Variants in FBF1 observed in about 807,000 individuals in gnomAD.
The protein encoded by FBF1 is fas-binding factor 1.
In FBF1, 119 loss-of-function variants were observed where a neutral mutation model predicts 147.2. That is an observed-to-expected ratio of 0.81 (90% CI 0.70 to 0.94). The LOEUF (loss-of-function observed/expected upper bound fraction) is 0.94. Ranked by LOEUF, FBF1 falls within the 40% of genes least tolerant of loss-of-function variation. The pLI is 0.00. For synonymous variants in FBF1, 601 were observed against 609.0 expected (o/e 0.99, Z 0.19); for missense variants, 1,449 against 1,500.8 (o/e 0.97, Z 0.57).
In FBF1 at chr17:75,928,061, T is replaced by C; in HGVS notation, c.397+15A>G. 1 of 1,607,542 alleles carries C rather than the reference T, an allele frequency of 6.2e-7. No individual in the cohort carries two copies. The highest frequency in any genetic ancestry group is 8.5e-7 in the Non-Finnish European group (1 of 1,175,470). On this transcript the variant is annotated intron_variant, in intron 8 of 29. Transcript: ENST00000636174. This position sits in a 1 kb window ranked among gnomAD's most constrained non-coding sequence, Gnocchi z 4.2. The stretch of plus-strand genomic sequence containing the variant: ...GCCGTCTCCCATGCACCTTTCTCAC[T>C]GGCTACTGACCCACCTGCAGGCTTG...
chr17:75,912,142 G>A (rs1353200357), intron 29 of FBF1, 50 bp downstream of exon 29: 2 of 1,533,768 alleles, frequency 1.3e-6, no homozygotes, highest in Non-Finnish European at 1.8e-6. Flanking sequence ...TCTGCCCTGA[G>A]CTGGAAGGAC....
In FBF1 at chr17:75,909,836, C is replaced by A. The variant is rs769054481; in HGVS notation, c.*887G>T. The A allele has an allele frequency of 3.1e-5, 21 of 686,006 alleles. No homozygotes were observed. The highest frequency in any genetic ancestry group is 5.3e-5 in the Non-Finnish European group (20 of 374,050). The allele number at this position is 686,006 out of a possible 1,614,324, so 42.5% of individuals were successfully genotyped here. A position where few individuals can be genotyped will look rare whatever the true frequency, so the allele number is the denominator to read the frequency against. On this transcript the variant is annotated 3_prime_UTR_variant, in exon 30 of 30. Coordinates refer to ENST00000636174, the MANE Select transcript of FBF1 (RefSeq NM_001319193.2). ...ACATTTTCTAAGAAATAAGTATAAA[C>A]TCCGATGAGCCATGGCAAAAGCAGT...
chr17:75,921,053 C>T (rs539961798), intron 17 of FBF1, among the ~76,000 whole-genome samples, 191 bp downstream of exon 17: 6 of 152,344 alleles, frequency 3.9e-5, no homozygotes, highest in Admixed American at 2.6e-4. Flanking sequence ...CCCAGCTCTG[C>T]CCAGGAGCAG....
At chr17:75,917,254 G>C (rs552518003) in intron 23 of FBF1, among the ~76,000 whole-genome samples, 1 of 152,350 alleles carries the variant, frequency 6.6e-6, no homozygotes, top group South Asian at 2.1e-4. Context: ...ACAGGCCACT[G>C]TGCCTGGCTA....
chr17:75,915,482 G>A (rs1217550290), intron 23 of FBF1, among the ~76,000 whole-genome samples: 1 of 152,226 alleles, frequency 6.6e-6, no homozygotes, highest in Non-Finnish European at 1.5e-5. Context: ...AGCAGGCTAA[G>A]CACAGGGTGG....
rs1323565505 is a variant in FBF1, at chr17:75,910,937, G to A, written c.3364-131C>T. 7.0e-6 allele frequency: 5 copies of A among 719,350 alleles called. No individual in the cohort carries two copies. The East Asian group carries it at 1.3e-4, about 19-fold the overall frequency. 44.6% of individuals were successfully genotyped at this position (719,350 alleles called of 1,614,324 possible). On this transcript the variant is annotated intron_variant, in intron 29 of 29. Transcript: ENST00000636174. The surrounding 1 kb of genome is among the most constrained non-coding windows in gnomAD (Gnocchi z 4.1). ...TCCCTGACTCTGCCTGGCTCTGGGA[G>A]TCAGCAGGGGCCATGAAAGAGCCCA...
rs779282669 is a variant in FBF1 at position 75,920,389 on chromosome 17, C to T, written c.1715G>A (p.Ser572Asn). 3 of 1,606,540 alleles carry T rather than the reference C, an allele frequency of 1.9e-6. No homozygotes were observed. The highest frequency in any genetic ancestry group is 2.2e-5 in the South Asian group (2 of 89,498). The change falls in exon 18 of 30, where the codon AGC becomes AAC. Residue 572 changes from serine to asparagine, a missense_variant. Coordinates refer to ENST00000636174, the MANE Select transcript of FBF1 (RefSeq NM_001319193.2). ...CAGGAGCTGCTTCTGGTATTCTGTGCTCGGCAGCAGGCTCCGGGCCAGGGA... is the reference window on the plus strand; with the variant it reads ...CAGGAGCTGCTTCTGGTATTCTGTGTTCGGCAGCAGGCTCCGGGCCAGGGA... ...PESLARSLLPSTEYQKQLLAA... is the reference protein window; with the variant it reads ...PESLARSLLPNTEYQKQLLAA...
chr17:75,911,613 G>A (rs1405481921), intron 29 of FBF1, among the ~76,000 whole-genome samples: 1 of 152,130 alleles, frequency 6.6e-6, no homozygotes, highest in Admixed American at 6.5e-5. Context: ...CGACCTCCCG[G>A]GCTTAAGTGA....
intron 2 of FBF1, chr17:75,937,893 A>G (rs2065634565): frequency 6.4e-6 from 4 of 629,106 alleles, no homozygotes; most frequent in South Asian, 3.8e-5. Context: ...AATGTCTTCT[A>G]TTCCGTGCCC....
rs148116376 is a variant in FBF1, at chr17:75,912,793, C to T, written c.3248-486G>A. ...CGTTGGCTCATGCCTGTAATCCCAG[C>T]ACTTTGGGAGGCCAAGGCGGGTGGA... is the stretch of plus-strand genomic sequence containing the variant. On this transcript the variant is annotated intron_variant, in intron 28 of 29. Transcript: ENST00000636174. Among the ~76,000 whole-genome samples, 865 of 152,332 alleles carry T rather than the reference C, an allele frequency of 5.7e-3. 11 individuals are homozygous for T. The highest frequency in any genetic ancestry group is 0.019 in the African/African-American group (809 of 41,578).
chr17:75,913,914 T>C lies in FBF1; in HGVS notation c.3128A>G (p.Gln1043Arg), dbSNP rs1281735051. ...RLRKQEQHMH[Q>R]EHLSLAQQRL... Reference sequence around the variant, plus strand: ...CGCCATACACTCAGGGAGCCTTGCCTGGTGCATGTGCTGCTCCTGCTTCCG... The same window carrying C: ...CGCCATACACTCAGGGAGCCTTGCCCGGTGCATGTGCTGCTCCTGCTTCCG... The change falls in exon 27 of 30, where the codon CAG becomes CGG. Residue 1043 changes from glutamine (Q) to arginine (R), a missense_variant and splice_region_variant. Transcript: ENST00000636174. 1 of 1,546,552 alleles carries C rather than the reference T, an allele frequency of 6.5e-7. No individual in the cohort carries two copies. The highest frequency in any genetic ancestry group is 8.7e-7 in the Non-Finnish European group (1 of 1,150,820).
In FBF1 at chr17:75,928,867, C is replaced by T. The variant is rs1311086909; in HGVS notation, c.280-674G>A. 6.6e-6 allele frequency among the ~76,000 whole-genome samples: 1 copy of T among 152,070 alleles called. No homozygotes were observed. Among genetic ancestry groups the T allele is most frequent in the Non-Finnish European group, 1.5e-5 (1 of 68,006 alleles). ...TAAAGACAGAGTCTCACTCTGTCAC[C>T]CAGGCTGGAGTGAAGTGGTGCGATC... On this transcript the variant is annotated intron_variant, in intron 7 of 29. Transcript: ENST00000636174. The surrounding 1 kb of genome is among the most constrained non-coding windows in gnomAD (Gnocchi z 4.2).
At chr17:75,916,574 AC>A (rs1340367332) in intron 23 of FBF1, among the ~76,000 whole-genome samples, 1 of 151,462 alleles carries the variant, frequency 6.6e-6, no homozygotes, top group Non-Finnish European at 1.5e-5. Flanking sequence ...AGCTATGATC[AC>A]ACCACTGCAC....
chr17:75,922,112 G>A lies in FBF1; in HGVS notation c.1425-66C>T, dbSNP rs761182510. ...CCAGGTCAGGCTGGATGAAGACAGG[G>A]CCCAGGACGGGCTTCACACGTGAAG... On this transcript the variant is annotated intron_variant, in intron 14 of 29. Transcript: ENST00000636174. The surrounding 1 kb of genome is among the most constrained non-coding windows in gnomAD (Gnocchi z 5.0). The A allele has an allele frequency of 7.2e-7, 1 of 1,391,300 alleles. No individual in the cohort carries two copies. Among genetic ancestry groups the A allele is most frequent in the South Asian group, 1.3e-5 (1 of 79,688 alleles). 86.2% of individuals were successfully genotyped at this position (1,391,300 alleles called of 1,614,324 possible).
intron 23 of FBF1, among the ~76,000 whole-genome samples, chr17:75,916,868 T>G (rs1404849565): frequency 2.6e-5 from 4 of 152,244 alleles, no homozygotes; most frequent in Non-Finnish European, 5.9e-5. Context: ...TTTATTTTTT[T>G]GAGACAGAGT....
intron 3 of FBF1, 45 bp from the exon 4 acceptor site, chr17:75,935,718 G>A: frequency 6.6e-7 from 1 of 1,520,222 alleles, no homozygotes; most frequent in South Asian, 1.2e-5. Context: ...GGAAAGAAGA[G>A]TGGCCCTTAT....
Position 75,923,064 on chromosome 17 carries a change from C to T in FBF1, c.1424+122G>A. 1 of 1,013,188 alleles carries T rather than the reference C, an allele frequency of 9.9e-7. No individual in the cohort carries two copies. The highest frequency in any genetic ancestry group is 1.7e-5 in the South Asian group (1 of 58,322). 62.8% of individuals were successfully genotyped at this position (1,013,188 alleles called of 1,614,324 possible). On this transcript the variant is annotated intron_variant, in intron 14 of 29. Transcript: ENST00000636174. This position sits in a 1 kb window ranked among gnomAD's most constrained non-coding sequence, Gnocchi z 4.1. ...CAAAGCCAAGAAGCGGCCTCTGTGGCCACGGCGCCCTGCCTTGTTCCCCAA... is the reference window on the plus strand; with the variant it reads ...CAAAGCCAAGAAGCGGCCTCTGTGGTCACGGCGCCCTGCCTTGTTCCCCAA...
Position 75,914,741 on chromosome 17 carries a change from C to G in FBF1, c.2814+6G>C, listed in dbSNP as rs1168241632. The G allele has an allele frequency of 2.6e-6, 4 of 1,555,906 alleles. No homozygotes were observed. The highest frequency in any genetic ancestry group is 2.4e-5 in the East Asian group (1 of 42,056). Reference sequence around the variant, plus strand: ...CCCTCCACTGTCCGGAGGCTCTGGGCCCTACCTTGGCCAGGCTGATGAGGG... The same window carrying G: ...CCCTCCACTGTCCGGAGGCTCTGGGGCCTACCTTGGCCAGGCTGATGAGGG... On this transcript the variant is annotated splice_donor_region_variant and intron_variant, in intron 25 of 29. Coordinates refer to ENST00000636174, the MANE Select transcript of FBF1 (RefSeq NM_001319193.2).
In FBF1 at chr17:75,917,940, G is replaced by C. The variant is rs536014776; in HGVS notation, c.2377C>G (p.Gln793Glu). ...AGAGGGGAGGGCGTACCCCGCAGCT[G>C]CTCGTCACGCTGCCGGATCCCCAGC... ...RELGIRQRDE[Q>E]LRALQERLGQ... Residue 793 changes from glutamine (Q) to glutamate (E), a missense_variant, in exon 22 of 30, where the codon CAG becomes GAG. Coordinates refer to ENST00000636174, the MANE Select transcript of FBF1 (RefSeq NM_001319193.2). 4 of 1,600,962 alleles carry C rather than the reference G, an allele frequency of 2.5e-6. No individual in the cohort carries two copies. In the South Asian group the frequency reaches 4.5e-5, roughly 18 times the overall value.
Sources: allele counts gnomAD v4.1 joint callset (sites outside exome capture counted in the v4.1 genomes callset), GRCh38; gene constraint gnomAD v4.1.1; non-coding constraint Gnocchi (gnomAD v3.1); transcripts MANE v1.5; gene names NCBI Gene and HGNC (gene_info 2026-07-23, HGNC 2026-07-21).